The following ARHGAP26 variants were observed in gnomAD, a reference collection of about 807,000 sequenced individuals.
ARHGAP26 encodes the protein rho GTPase-activating protein 26.
In ARHGAP26, 38 loss-of-function variants were observed where a neutral mutation model predicts 104.8. The observed-to-expected ratio is 0.36, with a 90% CI of 0.28 to 0.48. The LOEUF is 0.48. Ranked by LOEUF, ARHGAP26 falls within the 20% of genes least tolerant of loss-of-function variation. The pLI, the probability that ARHGAP26 is intolerant of heterozygous loss-of-function variation, is 0.99. For synonymous variants in ARHGAP26, 341 were observed against 340.0 expected (o/e 1.00, Z -0.03); for missense variants, 704 against 947.9 (o/e 0.74, Z 3.38).
chr5:142,939,233 A>T (rs1327796473), intron 11 of ARHGAP26, among the ~76,000 whole-genome samples: 3 of 152,334 alleles, frequency 2.0e-5, no homozygotes, highest in South Asian at 4.1e-4. Context: ...TTTTTGCGCA[A>T]CACACAAAAA....
intron 1 of ARHGAP26, among the ~76,000 whole-genome samples, chr5:142,790,473 A>G (rs1360118165): frequency 6.6e-6 from 1 of 152,178 alleles, no homozygotes. Flanking sequence ...GATAGAATCC[A>G]TTTCTTACAT....
At chr5:142,810,097 T>A (rs1486861128) in intron 1 of ARHGAP26, among the ~76,000 whole-genome samples, 1 of 152,194 alleles carries the variant, frequency 6.6e-6, no homozygotes, top group Non-Finnish European at 1.5e-5. Context: ...CCTGATCATC[T>A]CCAACAGGGA....
chr5:142,965,430 C>G (rs1246663454), intron 11 of ARHGAP26, among the ~76,000 whole-genome samples: 1 of 152,170 alleles, frequency 6.6e-6, no homozygotes, highest in Non-Finnish European at 1.5e-5. Flanking sequence ...TGGCAACGGG[C>G]GTCTTCCCAG....
chr5:143,006,213 G>A (rs1777925187), intron 11 of ARHGAP26, among the ~76,000 whole-genome samples: 1 of 152,032 alleles, frequency 6.6e-6, no homozygotes, highest in Admixed American at 6.6e-5. Context: ...GCCAGGTGTT[G>A]GGGAGAACAA....
At chr5:142,938,420 T>A (rs1765766522) in intron 11 of ARHGAP26, among the ~76,000 whole-genome samples, 1 of 152,166 alleles carries the variant, frequency 6.6e-6, no homozygotes, top group Non-Finnish European at 1.5e-5. Context: ...TGGGAACAGA[T>A]GACTTTTCAT....
intron 15 of ARHGAP26, among the ~76,000 whole-genome samples, chr5:143,055,354 T>G (rs1598825197): frequency 6.6e-6 from 1 of 152,040 alleles, no homozygotes. Flanking sequence ...GAGTCAAGAG[T>G]AAGATATAAT....
At chr5:143,190,567 C>T (rs890527514) in intron 20 of ARHGAP26, among the ~76,000 whole-genome samples, 8 of 151,944 alleles carry the variant, frequency 5.3e-5, no homozygotes, top group Admixed American at 4.6e-4. Flanking sequence ...TATTCCCAGA[C>T]AATTTCTAGA....
chr5:143,072,297 T>C (rs1471818176), intron 17 of ARHGAP26, among the ~76,000 whole-genome samples: 5 of 152,150 alleles, frequency 3.3e-5, no homozygotes, highest in Non-Finnish European at 5.9e-5. Flanking sequence ...TCTTATACAC[T>C]ATTGGTGGGA....
At chr5:142,813,094 T>C (rs535420461) in intron 1 of ARHGAP26, among the ~76,000 whole-genome samples, 5 of 152,176 alleles carry the variant, frequency 3.3e-5, no homozygotes, top group African/African-American at 9.6e-5. Context: ...CCGGCTACCA[T>C]GCCCGGCTAA....
In ARHGAP26 at chr5:143,147,347, C is replaced by T. The variant is rs1279218265; in HGVS notation, c.1954C>T (p.Leu652=). 6.2e-7 allele frequency: 1 copy of T among 1,613,998 alleles called. No individual in the cohort carries two copies. The highest frequency in any genetic ancestry group is 1.7e-5 in the Admixed American group (1 of 60,022). Reference sequence around the variant, plus strand: ...CAACATGAACTCCAGTGACCCAGACCTGGCTGTGGTCAAACCCACCCGGCC... The same window carrying T: ...CAACATGAACTCCAGTGACCCAGACTTGGCTGTGGTCAAACCCACCCGGCC... ...QPNMNSSDPD[L]AVVKPTRPNS... Residue 652 remains leucine (L), a synonymous_variant, in exon 20 of 23, where the codon CTG becomes TTG. Coordinates refer to ENST00000645722, the MANE Select transcript of ARHGAP26 (RefSeq NM_001135608.3).
chr5:143,087,895 C>T (rs1221387884), intron 17 of ARHGAP26, among the ~76,000 whole-genome samples: 3 of 151,182 alleles, frequency 2.0e-5, no homozygotes, highest in Non-Finnish European at 4.4e-5. Context: ...GTGATACACC[C>T]GCCTCGGCCT....
In ARHGAP26 at chr5:143,075,913, A is replaced by G. The variant is rs918536812; in HGVS notation, c.1538+18166A>G. On this transcript the variant is annotated intron_variant, in intron 17 of 22. Transcript: ENST00000645722. ...GGGGTTTTACCATGTTGCCCAGGCT[A>G]GTTTTGAACTCCTGGGCTCAAACAG... is the stretch of plus-strand genomic sequence containing the variant. 2.6e-5 allele frequency among the ~76,000 whole-genome samples: 4 copies of G among 151,928 alleles called. No individual in the cohort carries two copies. The South Asian group carries it at 6.2e-4, about 24-fold the overall frequency.
intron 19 of ARHGAP26, among the ~76,000 whole-genome samples, chr5:143,144,959 C>T (rs775039100): frequency 2.0e-5 from 3 of 152,162 alleles, no homozygotes; most frequent in Non-Finnish European, 2.9e-5. Flanking sequence ...AAACTGTAGT[C>T]GTTTTATAGT....
intron 11 of ARHGAP26, among the ~76,000 whole-genome samples, chr5:142,979,269 T>A (rs1266563667): frequency 6.6e-6 from 1 of 152,242 alleles, no homozygotes; most frequent in East Asian, 1.9e-4. Flanking sequence ...AGTGTTACCT[T>A]GGCAGTTTCA....
intron 17 of ARHGAP26, among the ~76,000 whole-genome samples, chr5:143,076,078 C>A (rs1250492755): frequency 6.6e-6 from 1 of 151,956 alleles, no homozygotes; most frequent in Non-Finnish European, 1.5e-5. Context: ...CAGGTTGCTG[C>A]AGCCTGGACC....
chr5:143,093,000 G>A (rs780774393), intron 17 of ARHGAP26, among the ~76,000 whole-genome samples: 56 of 152,296 alleles, frequency 3.7e-4, no homozygotes, highest in South Asian at 8.3e-4. Context: ...AGGTCTGCTC[G>A]GACCTTTGTA....
At chr5:142,946,518 A>T (rs1373268238) in intron 11 of ARHGAP26, 2 of 152,176 alleles carry the variant, frequency 1.3e-5, no homozygotes, top group South Asian at 2.1e-4. Context: ...TCATTTGAAG[A>T]ATGATGGAGC....
At chr5:142,775,294 A>G (rs1756084348) in intron 1 of ARHGAP26, among the ~76,000 whole-genome samples, 1 of 152,188 alleles carries the variant, frequency 6.6e-6, no homozygotes, top group Admixed American at 6.5e-5. Flanking sequence ...GATTTTGACC[A>G]TCCTACTAGG....
intron 17 of ARHGAP26, among the ~76,000 whole-genome samples, chr5:143,061,888 G>A (rs1298278421): frequency 1.3e-5 from 2 of 152,132 alleles, no homozygotes; most frequent in Non-Finnish European, 2.9e-5. Context: ...CCTTTTTAAG[G>A]GCTAGGATGA....
Sources: gnomAD v4.1 joint callset for allele counts (sites outside exome capture counted in the v4.1 genomes callset) on GRCh38, gnomAD v4.1.1 for gene constraint, MANE v1.5 for transcripts, NCBI Gene and HGNC (gene_info 2026-07-23, HGNC 2026-07-21) for gene names.